PTPRN2: variants seen among roughly 807,000 people sequenced by gnomAD.
PTPRN2 encodes the protein receptor-type tyrosine-protein phosphatase N2.
PTPRN2 carries 74 observed loss-of-function variants against 118.8 expected under a neutral mutation model. The observed-to-expected ratio is 0.62, with a 90% CI of 0.52 to 0.76. The LOEUF is 0.76. PTPRN2 is among the 30% of genes least tolerant of loss of function. The pLI is 0.00. For synonymous variants in PTPRN2, 641 were observed against 608.0 expected (o/e 1.05, Z -0.80); for missense variants, 1,481 against 1,394.4 (o/e 1.06, Z -0.99).
At chr7:158,319,492 A>ACACACACGATCTCC (rs1563131485) in intron 2 of PTPRN2, among the ~76,000 whole-genome samples, 3 of 30,356 alleles carry the variant, frequency 9.9e-5, no homozygotes, top group African/African-American at 2.5e-4. Flanking sequence ...CCTCCCTCAC[A>ACACACACGATCTCC]CTCACACAGC....
intron 11 of PTPRN2, among the ~76,000 whole-genome samples, chr7:158,061,741 A>G (rs889031895): frequency 1.5e-4 from 23 of 152,246 alleles, no homozygotes; most frequent in African/African-American, 5.1e-4. Flanking sequence ...TGAAGGACCT[A>G]ACAATGATCC....
At chr7:157,822,229 T>C (rs1055580247) in intron 12 of PTPRN2, among the ~76,000 whole-genome samples, 1 of 151,282 alleles carries the variant, frequency 6.6e-6, no homozygotes, top group African/African-American at 2.4e-5. Flanking sequence ...TATCCATCTA[T>C]ACACTCATCC....
chr7:158,440,443 GATGGTGGTAATGGTAGTAGCTAT>G (rs1816907639), intron 2 of PTPRN2, among the ~76,000 whole-genome samples: 12 of 151,804 alleles, frequency 7.9e-5, no homozygotes, highest in African/African-American at 2.7e-4. Context: ...TGGTGGTGAT[GATGGTGGTAATGGTAGTAGCTAT>G]GGGTGTGGTG....
intron 2 of PTPRN2, among the ~76,000 whole-genome samples, chr7:158,325,919 A>C (rs1476520410): frequency 6.6e-6 from 1 of 152,218 alleles, no homozygotes; most frequent in African/African-American, 2.4e-5. Context: ...GACAAAAGGA[A>C]CGGGCAGTCA....
At chr7:157,937,428 GC>G (rs1451961697) in intron 11 of PTPRN2, among the ~76,000 whole-genome samples, 1 of 152,236 alleles carries the variant, frequency 6.6e-6, no homozygotes, top group Admixed American at 6.5e-5. Context: ...GAATAGGCAA[GC>G]CCTTGATGTC....
intron 1 of PTPRN2, among the ~76,000 whole-genome samples, chr7:158,523,449 G>T (rs1824396490): frequency 6.8e-6 from 1 of 146,420 alleles, no homozygotes; most frequent in African/African-American, 2.5e-5. Flanking sequence ...CCCTGGAGCG[G>T]AGTCGTCTGC....
chr7:158,142,357 C>T (rs554347679), intron 6 of PTPRN2, among the ~76,000 whole-genome samples: 138 of 152,338 alleles, frequency 9.1e-4, no homozygotes, highest in Middle Eastern at 3.4e-3. Context: ...GCCTTGCCCT[C>T]GCCCAGCCTC....
At chr7:158,330,723 C>A (rs1804193246) in intron 2 of PTPRN2, among the ~76,000 whole-genome samples, 1 of 116,646 alleles carries the variant, frequency 8.6e-6, no homozygotes, top group African/African-American at 2.8e-5. Context: ...TAAGAGCCGA[C>A]ACGTGCAGAC....
chr7:158,387,990 A>G (rs1050957391), intron 2 of PTPRN2, among the ~76,000 whole-genome samples: 2 of 152,138 alleles, frequency 1.3e-5, no homozygotes, highest in African/African-American at 4.8e-5. Flanking sequence ...CTATTTATAC[A>G]CACACATCTC....
At chr7:158,365,787 CCACACACA>C (rs1223975910) in intron 2 of PTPRN2, among the ~76,000 whole-genome samples, 3 of 96,056 alleles carry the variant, frequency 3.1e-5, no homozygotes, top group Non-Finnish European at 4.1e-5. Flanking sequence ...ACACACACAC[CCACACACA>C]CACAGCATCC....
intron 1 of PTPRN2, among the ~76,000 whole-genome samples, chr7:158,505,552 T>C (rs562159582): frequency 2.1e-4 from 32 of 152,310 alleles, no homozygotes; most frequent in Non-Finnish European, 4.0e-4. Context: ...AACAATAGTT[T>C]TAAAATCCTG....
At chr7:157,839,489 A>G (rs1309313376) in intron 12 of PTPRN2, among the ~76,000 whole-genome samples, 1 of 149,028 alleles carries the variant, frequency 6.7e-6, no homozygotes, top group African/African-American at 2.5e-5. Flanking sequence ...GTGAATGTGC[A>G]TGTGTGGCTG....
At chr7:158,462,760 C>A (rs1016161493) in intron 2 of PTPRN2, among the ~76,000 whole-genome samples, 1 of 152,116 alleles carries the variant, frequency 6.6e-6, no homozygotes, top group African/African-American at 2.4e-5. Flanking sequence ...GCTCACAGTC[C>A]GCAAAACTAC....
rs1803248803 is a variant in PTPRN2 at position 157,621,580 on chromosome 7, GC to G, written c.2197-72del. 7.6e-6 allele frequency: 12 copies of G among 1,584,170 alleles called. No homozygotes were observed. The East Asian group carries it at 2.7e-4, about 35-fold the overall frequency. ...CAGACCGGCAGATGCACAAAAGGCA[GC>G]GGAGGCCTTTGCACTCGCCGCGTGG... On this transcript the variant is annotated intron_variant, in intron 14 of 22. Transcript: ENST00000389418.
rs1563258229 is a variant in PTPRN2 at position 157,940,734 on chromosome 7, G to GATCATGACACTGCAAATCTAACACCCTC, written c.1724-41998_1724-41997insGAGGGTGTTAGATTTGCAGTGTCATGAT. On this transcript the variant is annotated intron_variant, in intron 11 of 22. Coordinates refer to ENST00000389418, the MANE Select transcript of PTPRN2 (RefSeq NM_002847.5). ...CGTGACACTGCAAATCTAACGCCCT[G>GATCATGACACTGCAAATCTAACACCCTC]CCCCATGACACTGCAAATCTGACAC... Among the ~76,000 whole-genome samples the GATCATGACACTGCAAATCTAACACCCTC allele has an allele frequency of 4.8e-4, 9 of 18,692 alleles. 1 individual carries two copies. The highest frequency in any genetic ancestry group is 5.4e-3 in the East Asian group (1 of 186). The allele number at this position is 18,692 out of a possible 152,430, so 12.3% of individuals were successfully genotyped here. A position where few individuals can be genotyped will look rare whatever the true frequency, so the allele number is the denominator to read the frequency against.
intron 2 of PTPRN2, among the ~76,000 whole-genome samples, chr7:158,487,782 G>A (rs776891810): frequency 6.6e-6 from 1 of 151,966 alleles, no homozygotes. Flanking sequence ...TTCTCCTATC[G>A]CTCCCCGTCA....
At chr7:158,333,530 C>T (rs1328360527) in intron 2 of PTPRN2, among the ~76,000 whole-genome samples, 1 of 148,028 alleles carries the variant, frequency 6.8e-6, no homozygotes, top group East Asian at 2.0e-4. Flanking sequence ...TAAGACCTGA[C>T]ACTCGCAGAC....
At chr7:157,981,145 C>T (rs1803110023) in intron 11 of PTPRN2, among the ~76,000 whole-genome samples, 1 of 152,244 alleles carries the variant, frequency 6.6e-6, no homozygotes, top group African/African-American at 2.4e-5. Flanking sequence ...GATAAACAGC[C>T]TTTTACCCTA....
intron 2 of PTPRN2, among the ~76,000 whole-genome samples, chr7:158,387,908 G>A (rs939485132): frequency 9.9e-5 from 15 of 152,118 alleles, no homozygotes; most frequent in Admixed American, 2.6e-4. Flanking sequence ...GCCCCCAATC[G>A]GTGAGCTAAT....
Sources: allele counts gnomAD v4.1 joint callset (sites outside exome capture counted in the v4.1 genomes callset), GRCh38; gene constraint gnomAD v4.1.1; transcripts MANE v1.5; gene names NCBI Gene and HGNC (gene_info 2026-07-23, HGNC 2026-07-21).